C6orf136: variants seen among roughly 807,000 people sequenced by gnomAD.
C6orf136 encodes the protein chromosome 6 open reading frame 136.
A neutral mutation model predicts 44.0 loss-of-function variants in C6orf136; 29 were observed. That is an observed-to-expected ratio of 0.66 (90% CI 0.49 to 0.90). C6orf136 has a LOEUF of 0.90. C6orf136 is among the 40% of genes least tolerant of loss of function. The pLI is 0.00. For missense variants in C6orf136, 628 were observed against 669.3 expected (o/e 0.94, Z 0.68); for synonymous variants, 293 against 278.6 (o/e 1.05, Z -0.52).
chr6:30,647,841 ACCGAGGTACCCGAGCGGTCCGC>A lies in C6orf136; in HGVS notation c.614_615+20del. The stretch of plus-strand genomic sequence containing the variant: ...CGGCGCCTCTAGGACACCATCGGGG[ACCGAGGTACCCGAGCGGTCCGC>A]CCGCCTTCCCTGCAGTGAGACGATC... On this transcript the variant is annotated splice_donor_variant and splice_donor_5th_base_variant and coding_sequence_variant and intron_variant, in exon 1 of 6. Coordinates refer to ENST00000651131, the MANE Select transcript of C6orf136 (RefSeq NM_001161376.2). LOFTEE classifies it high-confidence loss of function. The surrounding 1 kb of genome is among the most constrained non-coding windows in gnomAD (Gnocchi z 4.8). 6.7e-7 allele frequency: 1 copy of A among 1,486,442 alleles called. No homozygotes were observed. The highest frequency in any genetic ancestry group is 8.9e-7 in the Non-Finnish European group (1 of 1,118,748). 92.1% of individuals were successfully genotyped at this position (1,486,442 alleles called of 1,614,324 possible). A position where few individuals can be genotyped will look rare whatever the true frequency, so the allele number is the denominator to read the frequency against.
chr6:30,649,673 A>G lies in C6orf136; in HGVS notation c.731A>G (p.Gln244Arg). Residue 244 changes from glutamine (Q) to arginine (R), a missense_variant, in exon 2 of 6, where the codon CAG (glutamine) becomes CGG (arginine). This residue lies in a region of C6orf136 where 497 missense variants were observed against 469.2 expected (regional missense o/e 1.06). Transcript: ENST00000651131. ...CCCCTGCCCCCACGCCTTCCCACCC[A>G]GCGTCTTCCCCAGGTTCCCCCACTA... is the stretch of plus-strand genomic sequence containing the variant. ...WSPLPPRLPT[Q>R]RLPQVPPLPL... 6.2e-7 allele frequency: 1 copy of G among 1,607,362 alleles called. No individual in the cohort carries two copies. Among genetic ancestry groups the G allele is most frequent in the Non-Finnish European group, 8.5e-7 (1 of 1,177,966 alleles).
In C6orf136 at chr6:30,651,289, CACTGA is replaced by C; in HGVS notation, c.1131_1135del (p.Leu378ProfsTer25). The C allele has an allele frequency of 6.2e-7, 1 of 1,614,074 alleles. No homozygotes were observed. The highest frequency in any genetic ancestry group is 8.5e-7 in the Non-Finnish European group (1 of 1,180,036). On this transcript the variant is annotated frameshift_variant, in exon 4 of 6. Transcript: ENST00000651131. LOFTEE classifies it high-confidence loss of function. ...AGGGGCCGGACATGGTACATTCTTT[CACTGA>C]CCCTCTGCCGTTTCCTGGCCTGGAA...
rs575874165 is a variant in C6orf136 at position 30,651,232 on chromosome 6, A to G, written c.1107-34A>G. ...GCCAGTTTGGTTTTCTAATTCTGCC[A>G]TCATGAGATTTCTTTCCCATCCCTT... On this transcript the variant is annotated intron_variant, in intron 3 of 5. Coordinates refer to ENST00000651131, the MANE Select transcript of C6orf136 (RefSeq NM_001161376.2). 3.1e-6 allele frequency: 5 copies of G among 1,611,752 alleles called. No homozygotes were observed. The East Asian group carries it at 8.9e-5, about 29-fold the overall frequency.
At chr6:30,649,318 G>A (rs537139801) in intron 1 of C6orf136, among the ~76,000 whole-genome samples, 94 of 152,280 alleles carry the variant, frequency 6.2e-4, no homozygotes, top group African/African-American at 2.2e-3. Flanking sequence ...AGCTGAGATC[G>A]TGCTACTGCA....
rs745429076 is a variant in C6orf136, at chr6:30,649,785, T to C, written c.843T>C (p.His281=). 1 of 1,614,090 alleles carries C rather than the reference T, an allele frequency of 6.2e-7. No homozygotes were observed. Among genetic ancestry groups the C allele is most frequent in the South Asian group, 1.1e-5 (1 of 91,082 alleles). ...KGEEGPGPEL[H]SGCLDGLRSL... ...AGGAGGGACCAGGACCTGAGTTGCA[T>C]AGCGGCTGCCTGGATGGGCTTAGAA... Residue 281 remains histidine, a synonymous_variant, in exon 2 of 6, where the codon CAT becomes CAC. Transcript: ENST00000651131.
At chr6:30,652,571 C>G in intron 4 of C6orf136, 77 bp from the exon 5 acceptor site, 5 of 1,331,414 alleles carry the variant, frequency 3.8e-6, no homozygotes, top group South Asian at 1.2e-5. Context: ...TTAGGGACTA[C>G]TCGTTTAAAC....
Position 30,647,291 on chromosome 6 carries a change from G to A in C6orf136, c.60G>A (p.Gln20=), listed in dbSNP as rs1367399673. The change falls in exon 1 of 6, where the codon CAG becomes CAA. Residue 20 remains glutamine (Q), a synonymous_variant. Transcript: ENST00000651131. The surrounding 1 kb of genome is among the most constrained non-coding windows in gnomAD (Gnocchi z 4.8). ...RRLGPCLRAY[Q]ARPQVSGGEE... Reference sequence around the variant, plus strand: ...TCGGCCCTTGCCTGCGCGCCTACCAGGCTCGACCCCAGGTGAGCGGAGGAG... The same window carrying A: ...TCGGCCCTTGCCTGCGCGCCTACCAAGCTCGACCCCAGGTGAGCGGAGGAG... 15 of 1,600,642 alleles carry A rather than the reference G, an allele frequency of 9.4e-6. No homozygotes were observed. The highest frequency in any genetic ancestry group is 3.4e-5 in the Admixed American group (2 of 58,550).
intron 3 of C6orf136, 67 bp from the exon 4 acceptor site, chr6:30,651,199 C>T (rs1767373778): frequency 6.3e-7 from 1 of 1,590,010 alleles, no homozygotes; most frequent in Admixed American, 1.7e-5. Context: ...GTTCCCCATT[C>T]CTTAGAAGCC....
chr6:30,649,685 A>C lies in C6orf136; in HGVS notation c.743A>C (p.Gln248Pro). Residue 248 changes from glutamine (Q) to proline (P), a missense_variant, in exon 2 of 6, where the codon CAG becomes CCG. This residue lies in a region of C6orf136 where 497 missense variants were observed against 469.2 expected (regional missense o/e 1.06). Transcript: ENST00000651131. Reference protein sequence around the residue: ...PPRLPTQRLPQVPPLPLPQIQ... With the variant: ...PPRLPTQRLPPVPPLPLPQIQ... ...CGCCTTCCCACCCAGCGTCTTCCCC[A>C]GGTTCCCCCACTACCTCTCCCTCAG... 1 of 1,609,228 alleles carries C rather than the reference A, an allele frequency of 6.2e-7. No individual in the cohort carries two copies. Among genetic ancestry groups the C allele is most frequent in the Non-Finnish European group, 8.5e-7 (1 of 1,178,554 alleles).
chr6:30,650,068 T>C, intron 2 of C6orf136, 109 bp downstream of exon 2: 1 of 960,884 alleles, frequency 1.0e-6, no homozygotes, highest in Non-Finnish European at 1.6e-6. Flanking sequence ...GAGGCAGGCA[T>C]AGAAATATAT....
intron 4 of C6orf136, 151 bp downstream of exon 4, chr6:30,651,617 C>T (rs1767431240): frequency 2.7e-6 from 2 of 744,250 alleles, no homozygotes; most frequent in Non-Finnish European, 4.4e-6. Context: ...AGCAATTCTC[C>T]AGCCTCAGCC....
chr6:30,651,507 C>G (rs930046981), intron 4 of C6orf136, 41 bp downstream of exon 4: 2 of 1,502,360 alleles, frequency 1.3e-6, no homozygotes, highest in Admixed American at 1.9e-5. Context: ...ATAATCAGTT[C>G]CTTTTTTTTT....
chr6:30,648,927 G>T (rs1767148649), intron 1 of C6orf136, among the ~76,000 whole-genome samples: 1 of 151,808 alleles, frequency 6.6e-6, no homozygotes, highest in South Asian at 2.1e-4. Flanking sequence ...AGAATGGCTT[G>T]AACCCAGGAG....
rs147373216 is a variant in C6orf136 at position 30,649,357 on chromosome 6, A to G, written c.616-201A>G. Among the ~76,000 whole-genome samples, 1,194 of 152,314 alleles carry G rather than the reference A, an allele frequency of 7.8e-3. 18 individuals carry two copies. The highest frequency in any genetic ancestry group is 0.044 in the East Asian group (227 of 5,188). On this transcript the variant is annotated intron_variant, in intron 1 of 5. Coordinates refer to ENST00000651131, the MANE Select transcript of C6orf136 (RefSeq NM_001161376.2). ...CAGCCTGGCAACAGAGCGAGACTCC[A>G]TCTCAAAATAAATAATAAAATAAAA...
At chr6:30,648,689 C>A (rs961345685) in intron 1 of C6orf136, among the ~76,000 whole-genome samples, 1 of 144,316 alleles carries the variant, frequency 6.9e-6, no homozygotes. Context: ...CGTGAGCCAC[C>A]GCGCCCGGCC....
intron 2 of C6orf136, among the ~76,000 whole-genome samples, chr6:30,650,397 A>AAG (rs1554156595): frequency 4.0e-5 from 6 of 151,638 alleles, no homozygotes; most frequent in African/African-American, 1.2e-4. Flanking sequence ...AAAAAAAAAA[A>AAG]AAAGAAAGAA....
intron 4 of C6orf136, 91 bp downstream of exon 4, chr6:30,651,557 A>G: frequency 7.6e-7 from 1 of 1,314,798 alleles, no homozygotes. Flanking sequence ...CCCAGGATGG[A>G]GTGCAGTGGC....
Position 30,653,189 on chromosome 6 carries a change from A to G in C6orf136, c.*274A>G. On this transcript the variant is annotated 3_prime_UTR_variant, in exon 6 of 6. Coordinates refer to ENST00000651131, the MANE Select transcript of C6orf136 (RefSeq NM_001161376.2). ...AATAATTTTATTTAATAGGTATTAA[A>G]TAATGTATAGAAGGAAAAGGAGCTG... The G allele has an allele frequency of 1.3e-6, 2 of 1,575,074 alleles. No individual in the cohort carries two copies. Among genetic ancestry groups the G allele is most frequent in the Non-Finnish European group, 1.7e-6 (2 of 1,165,740 alleles).
intron 4 of C6orf136, among the ~76,000 whole-genome samples, chr6:30,652,153 G>C (rs1439755868): frequency 6.6e-6 from 1 of 151,802 alleles, no homozygotes; most frequent in East Asian, 1.9e-4. Flanking sequence ...TGAGATGAGA[G>C]AATCACTTCA....
Sources: gnomAD v4.1 joint callset for allele counts (sites outside exome capture counted in the v4.1 genomes callset) on GRCh38, gnomAD v4.1.1 for gene constraint, gnomAD v4.1.1 regional missense constraint, Gnocchi (gnomAD v3.1) non-coding constraint, MANE v1.5 for transcripts, NCBI Gene and HGNC (gene_info 2026-07-23, HGNC 2026-07-21) for gene names.